The following WNK3 variants were observed in gnomAD, a reference collection of about 807,000 sequenced individuals.
WNK3 encodes WNK lysine deficient protein kinase 3, also known as serine/threonine-protein kinase WNK3.
In WNK3, 18 loss-of-function variants were observed where a neutral mutation model predicts 116.7. That is an observed-to-expected ratio of 0.15 (90% CI 0.11 to 0.23). The LOEUF (loss-of-function observed/expected upper bound fraction) is 0.23, where lower values mean the gene tolerates loss of function less well. WNK3 is among the 10% of genes least tolerant of loss of function. WNK3 has a pLI of 1.00. For synonymous variants in WNK3, 404 were observed against 469.4 expected (o/e 0.86, Z 1.80); for missense variants, 993 against 1,323.8 (o/e 0.75, Z 3.88).
At chrX:54,320,370 A>G (rs2069014902) in intron 2 of WNK3, among the ~76,000 whole-genome samples, 1 of 112,206 alleles carries the variant, frequency 8.9e-6, no homozygotes, top group Admixed American at 9.5e-5. Flanking sequence ...AACAAGTCAG[A>G]GGCTACATGG....
chrX:54,203,820 G>T (rs1027159902), intron 22 of WNK3, among the ~76,000 whole-genome samples: 1 of 109,777 alleles, frequency 9.1e-6, no homozygotes, highest in East Asian at 2.9e-4. Flanking sequence ...GGGGGTGTGC[G>T]CCTGTAATCC....
chrX:54,256,769 C>T (rs1557155612), intron 11 of WNK3, among the ~76,000 whole-genome samples: 2 of 112,287 alleles, frequency 1.8e-5, no homozygotes, highest in Non-Finnish European at 3.8e-5. Context: ...TGACGTATGA[C>T]ATAAATATAA....
chrX:54,319,973 A>T (rs1203078292), intron 2 of WNK3, among the ~76,000 whole-genome samples: 1 of 112,037 alleles, frequency 8.9e-6, no homozygotes, highest in Non-Finnish European at 1.9e-5. Flanking sequence ...TATGAAAATG[A>T]TCCCTAAATC....
chrX:54,328,152 C>T (rs1348534752), intron 2 of WNK3, among the ~76,000 whole-genome samples: 1 of 108,609 alleles, frequency 9.2e-6, no homozygotes, highest in African/African-American at 3.3e-5. Flanking sequence ...TATACAATCT[C>T]GCACACACAT....
At chrX:54,309,421 C>A in intron 3 of WNK3, 106 bp from the exon 4 acceptor site, 1 of 572,190 alleles carries the variant, frequency 1.7e-6, no homozygotes, top group Non-Finnish European at 2.7e-6. Flanking sequence ...ACTATGATTC[C>A]CATCACTGAG....
intron 10 of WNK3, among the ~76,000 whole-genome samples, chrX:54,265,002 T>A (rs2068294260): frequency 9.0e-6 from 1 of 111,260 alleles, no homozygotes; most frequent in South Asian, 3.8e-4. Context: ...CAGCCCTGCA[T>A]GTTGGAGATC....
chrX:54,334,710 T>C (rs1186681382), intron 1 of WNK3, among the ~76,000 whole-genome samples: 1 of 112,257 alleles, frequency 8.9e-6, no homozygotes, highest in Non-Finnish European at 1.9e-5. Context: ...ATTTATAAGC[T>C]TGCCTTCAGA....
chrX:54,354,626 T>G (rs782741442), intron 1 of WNK3, among the ~76,000 whole-genome samples: 4 of 111,062 alleles, frequency 3.6e-5, no homozygotes, highest in Admixed American at 1.9e-4. Flanking sequence ...CAAACCACCA[T>G]GGCACGCGTT....
At chrX:54,213,532 C>T (rs1264675342) in intron 22 of WNK3, among the ~76,000 whole-genome samples, 20 of 78,153 alleles carry the variant, frequency 2.6e-4, no homozygotes, top group African/African-American at 9.4e-4. Flanking sequence ...CCAGCCAGGG[C>T]GACAGAGTGA....
chrX:54,217,057 C>T (rs1021353413), intron 22 of WNK3, among the ~76,000 whole-genome samples: 4 of 110,725 alleles, frequency 3.6e-5, no homozygotes, highest in South Asian at 7.6e-4. Context: ...CGGTGGCTCA[C>T]GCCTGTAATC....
In WNK3 at chrX:54,237,483, GAAC is replaced by G. The variant is rs1346724747; in HGVS notation, c.4080_4082del (p.Phe1361del). ...CTTCACTAGAATGGTTTGTCTCACTGAACACTGATATGTGTTCTATTCCAAAAG... is the reference window on the plus strand; with the variant it reads ...CTTCACTAGAATGGTTTGTCTCACTGACTGATATGTGTTCTATTCCAAAAG... On this transcript the variant is annotated inframe_deletion, in exon 20 of 24. Transcript: ENST00000354646. 5.9e-6 allele frequency: 7 copies of G among 1,193,284 alleles called. No homozygotes were observed. Among genetic ancestry groups the G allele is most frequent in the Non-Finnish European group, 7.9e-6 (7 of 891,473 alleles).
At position 54,198,641 on chromosome X, in the gene WNK3, T is replaced by C. The variant is rs374105382; in HGVS notation, c.5086A>G (p.Thr1696Ala). The stretch of plus-strand genomic sequence containing the variant: ...ATCCATGTTGATGTGTAGCCCATAG[T>C]AGACGGAGTATTCTAAGAAAAACAA... The change falls in exon 24 of 24, where the codon ACT (threonine) becomes GCT (alanine). Residue 1696 changes from threonine (T) to alanine (A), a missense_variant. Physicochemically the swap from Thr to Ala is moderately conservative, Grantham distance 58. Transcript: ENST00000354646. 5.1e-5 allele frequency: 60 copies of C among 1,176,800 alleles called. No individual in the cohort carries two copies. The highest frequency in any genetic ancestry group is 6.7e-5 in the Non-Finnish European group (59 of 878,558).
At chrX:54,275,350 G>T (rs2068431465) in intron 10 of WNK3, among the ~76,000 whole-genome samples, 1 of 106,336 alleles carries the variant, frequency 9.4e-6, no homozygotes, top group Non-Finnish European at 1.9e-5. Flanking sequence ...GATCTAAATG[G>T]AACTCAGATT....
intron 1 of WNK3, among the ~76,000 whole-genome samples, chrX:54,355,936 G>A (rs1557179319): frequency 4.5e-5 from 5 of 111,506 alleles, no homozygotes. Context: ...GAGAGACTAT[G>A]AACAGAATAT....
chrX:54,212,821 T>G (rs1277005335), intron 22 of WNK3, among the ~76,000 whole-genome samples: 1 of 111,483 alleles, frequency 9.0e-6, no homozygotes, highest in Non-Finnish European at 1.9e-5. Context: ...GACATCAATA[T>G]GAATGCAAAT....
intron 22 of WNK3, among the ~76,000 whole-genome samples, chrX:54,219,746 G>A (rs1472645764): frequency 1.7e-4 from 19 of 109,137 alleles, no homozygotes. Flanking sequence ...TCCTTGAAGA[G>A]GGTGACCTTC....
intron 10 of WNK3, among the ~76,000 whole-genome samples, chrX:54,262,873 A>C (rs2068270044): frequency 9.4e-6 from 1 of 106,172 alleles, no homozygotes; most frequent in African/African-American, 3.4e-5. Flanking sequence ...TGGAGGTTCC[A>C]GTGAGCTGAG....
chrX:54,328,084 AAC>A (rs1557173751), intron 2 of WNK3, among the ~76,000 whole-genome samples: 1 of 110,693 alleles, frequency 9.0e-6, no homozygotes, highest in Non-Finnish European at 1.9e-5. Context: ...TAATAAATAG[AAC>A]ATATATCAAA....
intron 2 of WNK3, among the ~76,000 whole-genome samples, chrX:54,326,836 A>C (rs1295606584): frequency 1.8e-5 from 2 of 110,436 alleles, no homozygotes; most frequent in Non-Finnish European, 3.8e-5. Flanking sequence ...AATACAAAAA[A>C]TTAGCTAGGT....
Sources: gnomAD v4.1 joint callset for allele counts (sites outside exome capture counted in the v4.1 genomes callset) on GRCh38, gnomAD v4.1.1 for gene constraint, MANE v1.5 for transcripts, NCBI Gene and HGNC (gene_info 2026-07-23, HGNC 2026-07-21) for gene names.